FAXC: variants seen among roughly 807,000 people sequenced by gnomAD.
FAXC encodes failed axon connections homolog, metaxin like GST domain containing, also known as failed axon connections homolog.
FAXC carries 10 observed loss-of-function variants against 41.9 expected under a neutral mutation model. That is an observed-to-expected ratio of 0.24 (90% CI 0.15 to 0.41). FAXC has a LOEUF of 0.41. FAXC is among the 10% of genes least tolerant of loss of function. The pLI, the probability that FAXC is intolerant of heterozygous loss-of-function variation, is 1.00. For missense variants in FAXC, 399 were observed against 510.9 expected (o/e 0.78, Z 2.11); for synonymous variants, 183 against 183.8 (o/e 1.00, Z 0.03).
intron 2 of FAXC, among the ~76,000 whole-genome samples, chr6:99,335,319 T>A (rs773228515): frequency 5.3e-5 from 8 of 152,246 alleles, no homozygotes; most frequent in Non-Finnish European, 1.2e-4. Context: ...GAAATAATAG[T>A]TTCTTTTTAT....
chr6:99,341,966 A>C (rs1773443492), intron 2 of FAXC, among the ~76,000 whole-genome samples: 1 of 152,258 alleles, frequency 6.6e-6, no homozygotes. Context: ...TAAAAACATA[A>C]GTGAACTTTT....
At position 99,279,587 on chromosome 6, in the gene FAXC, T is replaced by C. The variant is rs943663462; in HGVS notation, c.*1577A>G. The C allele has an allele frequency of 6.6e-6, 1 of 152,144 alleles. No individual in the cohort carries two copies. Among genetic ancestry groups the C allele is most frequent in the Non-Finnish European group, 1.5e-5 (1 of 68,028 alleles). 9.4% of individuals were successfully genotyped at this position (152,144 alleles called of 1,614,324 possible). On this transcript the variant is annotated 3_prime_UTR_variant, in exon 6 of 6. Transcript: ENST00000389677. The stretch of plus-strand genomic sequence containing the variant: ...AGAAGCAAAGCAGTTTTGTTTGCAA[T>C]TGTAAATCTTGGCTCTCCTAGCCCA...
chr6:99,333,192 G>C (rs1239258991), intron 3 of FAXC, among the ~76,000 whole-genome samples, 159 bp downstream of exon 3: 1 of 152,220 alleles, frequency 6.6e-6, no homozygotes, highest in Non-Finnish European at 1.5e-5. Context: ...TAGGTAACCA[G>C]AAACTTCACA....
intron 4 of FAXC, among the ~76,000 whole-genome samples, chr6:99,315,039 G>C (rs1772288336): frequency 6.6e-6 from 1 of 151,796 alleles, no homozygotes; most frequent in South Asian, 2.1e-4. Flanking sequence ...TTCAAGACCA[G>C]CCTGGCCAAC....
chr6:99,305,146 G>A (rs1043901627), intron 4 of FAXC, among the ~76,000 whole-genome samples: 3 of 152,168 alleles, frequency 2.0e-5, no homozygotes, highest in Non-Finnish European at 4.4e-5. Flanking sequence ...GAGAAAAGGA[G>A]TTTGAATTTT....
intron 5 of FAXC, among the ~76,000 whole-genome samples, chr6:99,289,680 C>G (rs886077160): frequency 9.8e-6 from 1 of 102,356 alleles, no homozygotes; most frequent in South Asian, 4.3e-4. Flanking sequence ...TGTAAATGTA[C>G]ATATGTATAT....
intron 5 of FAXC, among the ~76,000 whole-genome samples, chr6:99,290,380 T>C (rs1411956969): frequency 6.6e-6 from 1 of 152,084 alleles, no homozygotes; most frequent in Non-Finnish European, 1.5e-5. Flanking sequence ...ACTAAGATTG[T>C]GTTTCTTTGG....
At position 99,274,205 on chromosome 6, in the gene FAXC, G is replaced by C. The variant is rs1300805207; in HGVS notation, c.*6959C>G. On this transcript the variant is annotated 3_prime_UTR_variant, in exon 6 of 6. Coordinates refer to ENST00000389677, the MANE Select transcript of FAXC (RefSeq NM_032511.4). ...CCAGGCCTGGCTTCAGAAGGGGAAT[G>C]GGGGACATGAGCATAGAAATTAAGA... 1.3e-5 allele frequency: 2 copies of C among 152,156 alleles called. No homozygotes were observed. The highest frequency in any genetic ancestry group is 2.9e-5 in the Non-Finnish European group (2 of 68,034). The allele number at this position is 152,156 out of a possible 1,614,324, so 9.4% of individuals were successfully genotyped here.
intron 3 of FAXC, among the ~76,000 whole-genome samples, chr6:99,329,710 A>G (rs775132523): frequency 2.6e-5 from 4 of 152,064 alleles, no homozygotes; most frequent in African/African-American, 9.7e-5. Flanking sequence ...CAGAAAGAGT[A>G]GTCTCTTGGC....
chr6:99,292,876 G>C (rs1175690624), intron 4 of FAXC, among the ~76,000 whole-genome samples: 1 of 151,948 alleles, frequency 6.6e-6, no homozygotes, highest in East Asian at 1.9e-4. Flanking sequence ...GCATTATCTC[G>C]GCTCACTGCA....
intron 4 of FAXC, among the ~76,000 whole-genome samples, chr6:99,319,421 A>AAG (rs1772509576): frequency 6.6e-6 from 1 of 150,992 alleles, no homozygotes; most frequent in African/African-American, 2.4e-5. Flanking sequence ...AAAAAAAAAA[A>AAG]AGCAAACCCT....
chr6:99,307,336 ATAAGAGT>A (rs1771966032), intron 4 of FAXC, among the ~76,000 whole-genome samples: 1 of 152,166 alleles, frequency 6.6e-6, no homozygotes, highest in Non-Finnish European at 1.5e-5. Context: ...ACTTAAAGAG[ATAAGAGT>A]TAAAGACAGG....
chr6:99,302,481 C>T (rs1194292732), intron 4 of FAXC, among the ~76,000 whole-genome samples: 1 of 152,084 alleles, frequency 6.6e-6, no homozygotes, highest in Non-Finnish European at 1.5e-5. Flanking sequence ...CATGGTGAAA[C>T]CCTGTCTTTA....
At chr6:99,311,225 C>G (rs908860162) in intron 4 of FAXC, among the ~76,000 whole-genome samples, 8 of 152,158 alleles carry the variant, frequency 5.3e-5, no homozygotes, top group African/African-American at 1.7e-4. Context: ...TCTACTTTGG[C>G]CTCTGCCTTG....
chr6:99,297,883 C>T (rs1047159473), intron 4 of FAXC, among the ~76,000 whole-genome samples: 1 of 152,210 alleles, frequency 6.6e-6, no homozygotes, highest in African/African-American at 2.4e-5. Flanking sequence ...TCATTGTCCA[C>T]GCCTCTGTTA....
intron 4 of FAXC, among the ~76,000 whole-genome samples, chr6:99,294,040 T>C (rs1402304450): frequency 1.3e-5 from 2 of 152,096 alleles, no homozygotes; most frequent in African/African-American, 2.4e-5. Context: ...ATATATGCCA[T>C]AGAGACCAAG....
At chr6:99,340,446 A>G (rs1490494842) in intron 2 of FAXC, among the ~76,000 whole-genome samples, 1 of 152,080 alleles carries the variant, frequency 6.6e-6, no homozygotes, top group Non-Finnish European at 1.5e-5. Flanking sequence ...ACATAAATTT[A>G]TCAAATGTGA....
intron 4 of FAXC, among the ~76,000 whole-genome samples, chr6:99,319,610 C>G (rs992806979): frequency 6.6e-6 from 1 of 152,014 alleles, no homozygotes; most frequent in Non-Finnish European, 1.5e-5. Context: ...AAATTCAGGC[C>G]CAGAGAAGTC....
intron 1 of FAXC, among the ~76,000 whole-genome samples, chr6:99,345,344 A>G (rs987380918): frequency 1.3e-5 from 2 of 152,254 alleles, no homozygotes; most frequent in Non-Finnish European, 2.9e-5. Flanking sequence ...GAGAAAAGCT[A>G]CTACTACTAT....
Sources: gnomAD v4.1 joint callset for allele counts (sites outside exome capture counted in the v4.1 genomes callset) on GRCh38, gnomAD v4.1.1 for gene constraint, MANE v1.5 for transcripts, NCBI Gene and HGNC (gene_info 2026-07-23, HGNC 2026-07-21) for gene names.